Variants in ANKDD1B observed in about 807,000 individuals in gnomAD.
The protein encoded by ANKDD1B is ankyrin repeat and death domain containing 1B, also known as ankyrin repeat and death domain-containing protein 1B.
Under a neutral mutation model 59.7 loss-of-function variants are expected in ANKDD1B, and 57 were observed. That is an observed-to-expected ratio of 0.95 (90% CI 0.77 to 1.19). The LOEUF (loss-of-function observed/expected upper bound fraction) is 1.19. ANKDD1B is among the 50% of genes most tolerant of loss of function. ANKDD1B has a pLI of 0.00. For synonymous variants in ANKDD1B, 216 were observed against 239.5 expected, an observed-to-expected ratio of 0.90 and a Z score of 0.91; for missense variants, 602 against 641.9, an observed-to-expected ratio of 0.94 and a Z score of 0.67.
intron 10 of ANKDD1B, among the ~76,000 whole-genome samples, chr5:75,661,899 A>ATTTTTTTTTTTTTTTTTTTTTTT (rs35120763): frequency 1.1e-5 from 1 of 92,804 alleles, no homozygotes; most frequent in Non-Finnish European, 2.0e-5. Flanking sequence ...GGCTCCCACA[A>ATTTTTTTTTTTTTTTTTTTTTTT]TTTTTTTTTT....
Position 75,661,977 on chromosome 5 carries a change from A to C in ANKDD1B, c.1096-1417A>C, listed in dbSNP as rs184093272. ...GTTAGGGTCTGGTTAGGAAATAAGG[A>C]ATCAAAGTTTGGTATAAATTTGACT... On this transcript the variant is annotated intron_variant, in intron 10 of 13. Transcript: ENST00000601380. Among the ~76,000 whole-genome samples, 725 of 144,572 alleles carry C rather than the reference A, an allele frequency of 5.0e-3. 12 individuals carry two copies. The highest frequency in any genetic ancestry group is 0.018 in the African/African-American group (695 of 39,002). The allele number at this position is 144,572 out of a possible 152,430, so 94.8% of individuals were successfully genotyped here.
chr5:75,653,297 C>G, intron 8 of ANKDD1B, 57 bp downstream of exon 8: 1 of 1,192,720 alleles, frequency 8.4e-7, no homozygotes. Flanking sequence ...TTGGCTGTGT[C>G]AGGGAGATGC....
At chr5:75,616,311 A>T (rs1296938768) in intron 1 of ANKDD1B, among the ~76,000 whole-genome samples, 1 of 152,238 alleles carries the variant, frequency 6.6e-6, no homozygotes, top group Non-Finnish European at 1.5e-5. Context: ...AGAATAAAAC[A>T]TTTTAATCCC....
At chr5:75,625,237 G>A (rs1443227108) in intron 3 of ANKDD1B, among the ~76,000 whole-genome samples, 2 of 151,994 alleles carry the variant, frequency 1.3e-5, no homozygotes, top group East Asian at 1.9e-4. Context: ...ATGTAAGTGT[G>A]CTTCATGCAT....
intron 5 of ANKDD1B, among the ~76,000 whole-genome samples, chr5:75,634,124 T>C (rs955209543): frequency 2.0e-5 from 3 of 152,240 alleles, no homozygotes; most frequent in Non-Finnish European, 4.4e-5. Flanking sequence ...TATTCTGTTA[T>C]AGCAACACAA....
intron 5 of ANKDD1B, 132 bp downstream of exon 5, chr5:75,626,087 T>C: frequency 1.5e-6 from 1 of 649,618 alleles, no homozygotes; most frequent in South Asian, 1.8e-5. Context: ...TCCATCACCA[T>C]GGCAGACCAC....
At chr5:75,621,073 T>G (rs1773835279) in intron 3 of ANKDD1B, among the ~76,000 whole-genome samples, 1 of 152,202 alleles carries the variant, frequency 6.6e-6, no homozygotes, top group Non-Finnish European at 1.5e-5. Flanking sequence ...GAGAGAAAGA[T>G]TCCCCTATGT....
chr5:75,622,968 G>A lies in ANKDD1B; in HGVS notation c.396+2555G>A, dbSNP rs575864837. ...TTCCCAGCTTTTAGATTTTATGATC[G>A]GAGCTTCGAATTTTAAAATGTAGGC... is the stretch of plus-strand genomic sequence containing the variant. On this transcript the variant is annotated intron_variant, in intron 3 of 13. Coordinates refer to ENST00000601380, the MANE Select transcript of ANKDD1B (RefSeq NM_001276713.2). Among the ~76,000 whole-genome samples, 38 of 152,178 alleles carry A rather than the reference G, an allele frequency of 2.5e-4. No individual in the cohort carries two copies. The South Asian group carries it at 6.7e-3, about 27-fold the overall frequency.
In ANKDD1B at chr5:75,641,638, A is replaced by G. The variant is rs537535207; in HGVS notation, c.798+5756A>G. 1.1e-4 allele frequency among the ~76,000 whole-genome samples: 17 copies of G among 152,346 alleles called. No homozygotes were observed. The South Asian group carries it at 2.9e-3, about 26-fold the overall frequency. On this transcript the variant is annotated intron_variant, in intron 7 of 13. Transcript: ENST00000601380. ...TCTTTTGATTGCCAATATATTTTAG[A>G]GATCTTTATATCCACACAATATATA...
chr5:75,656,372 G>A (rs112277221), intron 9 of ANKDD1B, among the ~76,000 whole-genome samples: 271 of 152,198 alleles, frequency 1.8e-3, no homozygotes, highest in African/African-American at 5.8e-3. Context: ...TGTTTAACAG[G>A]CCCAGCATTT....
intron 2 of ANKDD1B, among the ~76,000 whole-genome samples, chr5:75,619,124 G>A (rs939703607): frequency 8.5e-5 from 13 of 152,160 alleles, no homozygotes; most frequent in African/African-American, 1.4e-4. Flanking sequence ...TGGAGTCACC[G>A]ATATTAAGAA....
chr5:75,663,574 T>C lies in ANKDD1B; in HGVS notation c.1191+85T>C, dbSNP rs542593419. 2,133 of 1,098,556 alleles carry C rather than the reference T, an allele frequency of 1.9e-3. 18 individuals are homozygous for C. Among genetic ancestry groups the C allele is most frequent in the Middle Eastern group, 0.017 (62 of 3,598 alleles). 68.1% of individuals were successfully genotyped at this position (1,098,556 alleles called of 1,614,324 possible). A position where few individuals can be genotyped will look rare whatever the true frequency, so the allele number is the denominator to read the frequency against. Reference sequence around the variant, plus strand: ...GGGGCAATGGGGGGGTCTGTGCCATTCTTTGCTCTAATGAGCAGAGCTCTG... The same window carrying C: ...GGGGCAATGGGGGGGTCTGTGCCATCCTTTGCTCTAATGAGCAGAGCTCTG... On this transcript the variant is annotated intron_variant, in intron 11 of 13. Coordinates refer to ENST00000601380, the MANE Select transcript of ANKDD1B (RefSeq NM_001276713.2).
At chr5:75,658,755 T>C (rs1037558707) in intron 9 of ANKDD1B, among the ~76,000 whole-genome samples, 1 of 152,202 alleles carries the variant, frequency 6.6e-6, no homozygotes, top group Non-Finnish European at 1.5e-5. Flanking sequence ...CTTTTATTTT[T>C]AAAAAATCTT....
chr5:75,625,533 C>A lies in ANKDD1B; in HGVS notation c.397-114C>A, dbSNP rs981042928. ...TATCACTTTTGCTGCATATTAAATT[C>A]TCTATTTCTTAGTTTTCAACAATCT... On this transcript the variant is annotated intron_variant, in intron 3 of 13. Transcript: ENST00000601380. 9 of 763,348 alleles carry A rather than the reference C, an allele frequency of 1.2e-5. No homozygotes were observed. In the African/African-American group the frequency reaches 1.6e-4, roughly 13 times the overall value. 47.3% of individuals were successfully genotyped at this position (763,348 alleles called of 1,614,324 possible).
At chr5:75,649,762 A>G (rs1463219454) in intron 7 of ANKDD1B, among the ~76,000 whole-genome samples, 1 of 152,222 alleles carries the variant, frequency 6.6e-6, no homozygotes, top group Non-Finnish European at 1.5e-5. Context: ...GTCTTGCTGT[A>G]GAACTTACAA....
At chr5:75,669,179 T>G (rs1775399714) in intron 12 of ANKDD1B, 73 bp from the exon 13 acceptor site, 3 of 1,222,660 alleles carry the variant, frequency 2.5e-6, no homozygotes, top group Non-Finnish European at 3.1e-6. Flanking sequence ...AAAGTTTAGT[T>G]GGAACTGAGA....
intron 2 of ANKDD1B, 59 bp from the exon 3 acceptor site, chr5:75,620,256 A>G: frequency 1.2e-6 from 1 of 855,262 alleles, no homozygotes; most frequent in Non-Finnish European, 1.8e-6. Context: ...AAGAAACAGG[A>G]AACCTAAAAT....
chr5:75,649,428 A>G (rs1016291906), intron 7 of ANKDD1B, among the ~76,000 whole-genome samples: 1 of 151,918 alleles, frequency 6.6e-6, no homozygotes, highest in Non-Finnish European at 1.5e-5. Flanking sequence ...TTAAATATTT[A>G]TTCACTTCAA....
intron 7 of ANKDD1B, among the ~76,000 whole-genome samples, chr5:75,650,252 G>A (rs1459560910): frequency 1.3e-5 from 2 of 152,236 alleles, no homozygotes; most frequent in African/African-American, 4.8e-5. Flanking sequence ...TGGATTACCA[G>A]GTGGGCCCAA....
Sources: allele counts gnomAD v4.1 joint callset (sites outside exome capture counted in the v4.1 genomes callset), GRCh38; gene constraint gnomAD v4.1.1; transcripts MANE v1.5; gene names NCBI Gene and HGNC (gene_info 2026-07-23, HGNC 2026-07-21).